TIMM17A: variants seen among roughly 807,000 people sequenced by gnomAD.
TIMM17A encodes translocase of inner mitochondrial membrane 17A, also known as mitochondrial import inner membrane translocase subunit Tim17-A.
A neutral mutation model predicts 26.5 loss-of-function variants in TIMM17A; 15 were observed. That is an observed-to-expected ratio of 0.57 (90% CI 0.38 to 0.87). The LOEUF (loss-of-function observed/expected upper bound fraction) is 0.87, where lower values mean the gene tolerates loss of function less well. Among genes scored for constraint, TIMM17A ranks in the 40% least tolerant of loss-of-function variants. The pLI is 0.00. For synonymous variants in TIMM17A, 80 were observed against 70.8 expected, an observed-to-expected ratio of 1.13 and a Z score of -0.66; for missense variants, 201 against 210.0, an observed-to-expected ratio of 0.96 and a Z score of 0.27.
chr1:201,957,307 G>T lies in TIMM17A; in HGVS notation c.53G>T (p.Gly18Val). ...CCATGGCGAATTGTGGATGACTGTG[G>T]TGGGGCCTTTACGATGGGTACCATT... Reference protein sequence around the residue: ...PCPWRIVDDCGGAFTMGTIGG... With the variant: ...PCPWRIVDDCVGAFTMGTIGG... The change falls in exon 2 of 6, where the codon GGT becomes GTT. Residue 18 changes from glycine (G) to valine (V), a missense_variant. By Grantham distance (109) the Gly-to-Val change is moderately radical (BLOSUM62 -3). Coordinates refer to ENST00000367287, the MANE Select transcript of TIMM17A (RefSeq NM_006335.3). 1 of 1,613,616 alleles carries T rather than the reference G, an allele frequency of 6.2e-7. No individual in the cohort carries two copies. The highest frequency in any genetic ancestry group is 1.7e-5 in the Admixed American group (1 of 60,006).
intron 3 of TIMM17A, 83 bp from the exon 4 acceptor site, chr1:201,963,533 T>TG: frequency 7.0e-7 from 1 of 1,430,942 alleles, no homozygotes; most frequent in South Asian, 1.3e-5. Flanking sequence ...GAGACTATAG[T>TG]GAGTATGTTT....
Position 201,968,629 on chromosome 1 carries a change from C to A in TIMM17A, c.431-840C>A, listed in dbSNP as rs140207196. On this transcript the variant is annotated intron_variant, in intron 5 of 5. Transcript: ENST00000367287. The stretch of plus-strand genomic sequence containing the variant: ...CCTCAGGTGATCTGCCCGCCTCAAC[C>A]TCCCAAAGTGCTGAGATTACAGGCG... 1.1e-4 allele frequency among the ~76,000 whole-genome samples: 16 copies of A among 152,188 alleles called. No homozygotes were observed. The East Asian group carries it at 2.7e-3, about 26-fold the overall frequency.
chr1:201,961,587 C>G (rs1294265933), intron 3 of TIMM17A, among the ~76,000 whole-genome samples: 2 of 152,054 alleles, frequency 1.3e-5, no homozygotes, highest in Non-Finnish European at 2.9e-5. Context: ...AGTGGTAGCT[C>G]ACACCTGTAA....
intron 5 of TIMM17A, 88 bp downstream of exon 5, chr1:201,965,631 TGTG>T: frequency 1.2e-6 from 1 of 869,346 alleles, no homozygotes; most frequent in Non-Finnish European, 1.9e-6. Context: ...TGATAAAATG[TGTG>T]GTATGTATTA....
intron 3 of TIMM17A, chr1:201,962,572 G>C (rs530795494): frequency 6.6e-6 from 1 of 152,020 alleles, no homozygotes; most frequent in Non-Finnish European, 1.5e-5. Flanking sequence ...GGATGCCCTC[G>C]ATCTTCTGAC....
chr1:201,968,388 T>C (rs1252147580), intron 5 of TIMM17A, among the ~76,000 whole-genome samples: 3 of 151,758 alleles, frequency 2.0e-5, no homozygotes, highest in African/African-American at 4.8e-5. Context: ...TGGGGTTTTT[T>C]TGTTTTTGTT....
chr1:201,963,452 A>G (rs1682570558), intron 3 of TIMM17A, 164 bp from the exon 4 acceptor site: 1 of 668,478 alleles, frequency 1.5e-6, no homozygotes, highest in East Asian at 3.0e-5. Context: ...TTCGAAAGAT[A>G]AGTATTCTAA....
intron 3 of TIMM17A, among the ~76,000 whole-genome samples, chr1:201,959,663 A>C (rs1223981638): frequency 6.6e-6 from 1 of 152,070 alleles, no homozygotes; most frequent in Non-Finnish European, 1.5e-5. Flanking sequence ...CAAAAAATAA[A>C]TAAATAAATA....
rs115282282 is a variant in TIMM17A, at chr1:201,961,754, G to A, written c.191-1862G>A. Among the ~76,000 whole-genome samples, 445 of 152,034 alleles carry A rather than the reference G, an allele frequency of 2.9e-3. 3 individuals carry two copies. The highest frequency in any genetic ancestry group is 9.8e-3 in the African/African-American group (407 of 41,468). ...ATATTTCTGTATATCTATACATACT[G>A]AAAATCACAAGTTTATATTGATATC... On this transcript the variant is annotated intron_variant, in intron 3 of 5. Coordinates refer to ENST00000367287, the MANE Select transcript of TIMM17A (RefSeq NM_006335.3).
intron 3 of TIMM17A, chr1:201,962,890 C>G (rs865907960): frequency 1.3e-5 from 2 of 152,140 alleles, no homozygotes; most frequent in Non-Finnish European, 2.9e-5. Context: ...AGTAGATGCT[C>G]AATGACATAT....
At position 201,957,513 on chromosome 1, in the gene TIMM17A, A is replaced by C; in HGVS notation, c.129A>C (p.Gly43=). 1 of 1,613,660 alleles carries C rather than the reference A, an allele frequency of 6.2e-7. No individual in the cohort carries two copies. Among genetic ancestry groups the C allele is most frequent in the South Asian group, 1.1e-5 (1 of 90,902 alleles). ...TTGCTTCCTTTTTTTTGTTATAGGG[A>C]GTAAACCACAGACTACGAGGGAGTT... ...AIKGFRNSPV[G]VNHRLRGSLT... is the part of the protein sequence containing the mutation. The change falls in exon 3 of 6, where the codon GGA becomes GGC. Residue 43 remains glycine (G), a splice_region_variant and synonymous_variant. Transcript: ENST00000367287.
In TIMM17A at chr1:201,955,562, A is replaced by G. The variant is rs748182284; in HGVS notation, c.26+10A>G. The G allele has an allele frequency of 3.7e-6, 6 of 1,614,052 alleles. No homozygotes were observed. Among genetic ancestry groups the G allele is most frequent in the South Asian group, 1.1e-5 (1 of 91,094 alleles). On this transcript the variant is annotated intron_variant, in intron 1 of 5. Transcript: ENST00000367287. ...ACGCGCGAGAGCCTTGGTGAGCTTC[A>G]CCGCTGTCTTTGCATTTCTCTTGCC...
intron 1 of TIMM17A, 33 bp downstream of exon 1, chr1:201,955,585 G>T (rs1029753336): frequency 6.2e-7 from 1 of 1,614,010 alleles, no homozygotes; most frequent in Non-Finnish European, 8.5e-7. Context: ...CATTTCTCTT[G>T]CCCCCCTGCC....
Position 201,963,762 on chromosome 1 carries a change from A to G in TIMM17A, c.319+18A>G. The G allele has an allele frequency of 1.9e-6, 3 of 1,581,748 alleles. No homozygotes were observed. The highest frequency in any genetic ancestry group is 1.2e-5 in the South Asian group (1 of 85,466). On this transcript the variant is annotated intron_variant, in intron 4 of 5. Transcript: ENST00000367287. The stretch of plus-strand genomic sequence containing the variant: ...AGCAAGAAGTAAGTAGTCATTACAG[A>G]CATACTAGTAGAAGCCACACTTTTA...
rs141168123 is a variant in TIMM17A at position 201,959,703 on chromosome 1, G to A, written c.190+2129G>A. Among the ~76,000 whole-genome samples the A allele has an allele frequency of 3.4e-3, 506 of 150,792 alleles. 4 individuals are homozygous for A. Among genetic ancestry groups the A allele is most frequent in the African/African-American group, 0.011 (464 of 41,090 alleles). The stretch of plus-strand genomic sequence containing the variant: ...TAAAAACTAAATGTAGGCCGGGCGC[G>A]GTGGCTCACGACTGTAATCCCAGCA... On this transcript the variant is annotated intron_variant, in intron 3 of 5. Transcript: ENST00000367287.
intron 4 of TIMM17A, among the ~76,000 whole-genome samples, chr1:201,965,152 A>G (rs1682606627): frequency 6.6e-6 from 1 of 151,886 alleles, no homozygotes; most frequent in Non-Finnish European, 1.5e-5. Flanking sequence ...GGGTTTCCCC[A>G]TGTTGGCCAG....
intron 4 of TIMM17A, among the ~76,000 whole-genome samples, chr1:201,964,340 A>G (rs1274315722): frequency 6.6e-6 from 1 of 152,180 alleles, no homozygotes; most frequent in Non-Finnish European, 1.5e-5. Flanking sequence ...TCTGGAGTTA[A>G]TTAATAATTA....
rs775429014 is a variant in TIMM17A, at chr1:201,969,537, T to G, written c.499T>G (p.Tyr167Asp). ...GTTACCTTCCTCACCTTTTGGAGACTATCGACAATATCAGTAGGACTTCTT... is the reference window on the plus strand; with the variant it reads ...GTTACCTTCCTCACCTTTTGGAGACGATCGACAATATCAGTAGGACTTCTT... ...TQLPSSPFGDYRQYQ is the reference protein window; with the variant it reads ...TQLPSSPFGDDRQYQ Residue 167 changes from tyrosine to aspartate, a missense_variant, in exon 6 of 6, where the codon TAT (tyrosine) becomes GAT (aspartate). By Grantham distance (160) the Tyr-to-Asp change is radical. Transcript: ENST00000367287. The G allele has an allele frequency of 6.2e-7, 1 of 1,613,726 alleles. No individual in the cohort carries two copies. Among genetic ancestry groups the G allele is most frequent in the Non-Finnish European group, 8.5e-7 (1 of 1,179,686 alleles).
chr1:201,961,046 G>A (rs542522857), intron 3 of TIMM17A, among the ~76,000 whole-genome samples: 4 of 151,238 alleles, frequency 2.6e-5, no homozygotes, highest in East Asian at 2.0e-4. Context: ...CACCACGCCC[G>A]GACTTAGGTC....
Sources: gnomAD v4.1 joint callset for allele counts (sites outside exome capture counted in the v4.1 genomes callset) on GRCh38, gnomAD v4.1.1 for gene constraint, MANE v1.5 for transcripts, NCBI Gene and HGNC (gene_info 2026-07-23, HGNC 2026-07-21) for gene names.